Variants in FMO3 observed in about 807,000 individuals in gnomAD.
FMO3 encodes flavin-containing monooxygenase 3.
A neutral mutation model predicts 39.4 loss-of-function variants in FMO3; 40 were observed. The ratio of observed to expected loss-of-function variants is 1.02; its 90% CI spans 0.79 to 1.32. The LOEUF is 1.32. FMO3 is among the 40% of genes most tolerant of loss of function. The pLI, the probability that FMO3 is intolerant of heterozygous loss-of-function variation, is 0.00. For missense variants in FMO3, 680 were observed against 651.8 expected (o/e 1.04, Z -0.47); for synonymous variants, 219 against 228.8 (o/e 0.96, Z 0.39).
intron 2 of FMO3, among the ~76,000 whole-genome samples, chr1:171,095,061 G>A (rs1190920785): frequency 6.6e-6 from 1 of 152,122 alleles, no homozygotes; most frequent in African/African-American, 2.4e-5. Flanking sequence ...ATGAGCATGA[G>A]ATGTTTTACC....
At chr1:171,105,033 T>C (rs1655578799) in intron 3 of FMO3, among the ~76,000 whole-genome samples, 1 of 147,640 alleles carries the variant, frequency 6.8e-6, no homozygotes, top group Admixed American at 6.9e-5. Flanking sequence ...TGCCAAGTAA[T>C]ATTTTAAGTT....
chr1:171,100,600 T>C (rs1318878344), intron 2 of FMO3: 3 of 154,202 alleles, frequency 1.9e-5, no homozygotes, highest in African/African-American at 7.2e-5. Context: ...TTATACCTGA[T>C]TTAGATAATT....
intron 2 of FMO3, among the ~76,000 whole-genome samples, chr1:171,098,897 T>A (rs944837902): frequency 2.6e-5 from 4 of 152,338 alleles, no homozygotes; most frequent in South Asian, 4.1e-4. Flanking sequence ...CTCCAGTTTT[T>A]GCCCATTCAG....
chr1:171,116,382 C>A, intron 8 of FMO3, 102 bp downstream of exon 8: 2 of 681,306 alleles, frequency 2.9e-6, no homozygotes, highest in Non-Finnish European at 2.6e-6. Context: ...TGAATGACAT[C>A]ATTGGAATGA....
chr1:171,114,507 G>T, intron 7 of FMO3, 145 bp downstream of exon 7: 1 of 686,652 alleles, frequency 1.5e-6, no homozygotes, highest in Non-Finnish European at 2.6e-6. Flanking sequence ...GCTATATTTT[G>T]TTAGCAATTT....
intron 7 of FMO3, 43 bp from the exon 8 acceptor site, chr1:171,116,165 G>A (rs1656139794): frequency 8.2e-7 from 1 of 1,219,622 alleles, no homozygotes; most frequent in Admixed American, 1.7e-5. Flanking sequence ...CTGGTCCTAT[G>A]CCAGACTCAT....
At chr1:171,110,737 C>A (rs1169126224) in intron 5 of FMO3, 61 bp from the exon 6 acceptor site, 7 of 1,483,838 alleles carry the variant, frequency 4.7e-6, no homozygotes, top group Non-Finnish European at 6.6e-6. Context: ...ATCTGGGGTG[C>A]TCACCAGAAT....
intron 2 of FMO3, among the ~76,000 whole-genome samples, chr1:171,096,509 AT>A (rs1425223357): frequency 1.9e-5 from 2 of 103,590 alleles, no homozygotes; most frequent in African/African-American, 8.1e-5. Flanking sequence ...TACTTTATAT[AT>A]TAAATACATA....
Position 171,117,526 on chromosome 1 carries a change from C to A in FMO3, c.*84C>A. On this transcript the variant is annotated 3_prime_UTR_variant, in exon 9 of 9. Coordinates refer to ENST00000367755, the MANE Select transcript of FMO3 (RefSeq NM_001002294.3). ...TATTTAAAAATTAAAATTTTCACAC[C>A]ACCTGCTTTTCTATTCAGCATCTTT... 2 of 1,013,008 alleles carry A rather than the reference C, an allele frequency of 2.0e-6. No individual in the cohort carries two copies. Among genetic ancestry groups the A allele is most frequent in the Non-Finnish European group, 1.5e-6 (1 of 674,842 alleles). The allele number at this position is 1,013,008 out of a possible 1,614,324, so 62.8% of individuals were successfully genotyped here.
Position 171,092,788 on chromosome 1 carries a change from T to C in FMO3, c.130T>C (p.Ser44Pro), listed in dbSNP as rs1398176295. The C allele has an allele frequency of 1.2e-6, 2 of 1,613,892 alleles. No homozygotes were observed. Among genetic ancestry groups the C allele is most frequent in the Non-Finnish European group, 1.7e-6 (2 of 1,179,958 alleles). ...TGACATTGGGGGCCTGTGGAAATTT[T>C]CAGTGAGTAGCATGTTGTTGTAATA... ...SNDIGGLWKF[S>P]DHAEEGRASI... The change falls in exon 2 of 9, where the codon TCA becomes CCA. Residue 44 changes from serine (S) to proline (P), a missense_variant and splice_region_variant. Ser to Pro is a moderately conservative substitution (Grantham distance 74). Coordinates refer to ENST00000367755, the MANE Select transcript of FMO3 (RefSeq NM_001002294.3).
chr1:171,114,919 G>C (rs965428943), intron 7 of FMO3, among the ~76,000 whole-genome samples: 1 of 152,186 alleles, frequency 6.6e-6, no homozygotes, highest in Non-Finnish European at 1.5e-5. Flanking sequence ...GGCAGAAAGT[G>C]CTCAGTGTAG....
intron 7 of FMO3, among the ~76,000 whole-genome samples, chr1:171,115,104 T>C (rs1291700138): frequency 1.3e-5 from 2 of 152,108 alleles, no homozygotes; most frequent in African/African-American, 4.8e-5. Context: ...GGTAATGGCA[T>C]GAAATTTCAC....
chr1:171,093,827 CTTTTTTTT>C (rs1228257104), intron 2 of FMO3, among the ~76,000 whole-genome samples: 2 of 75,290 alleles, frequency 2.7e-5, no homozygotes, highest in East Asian at 5.1e-4. Context: ...TCACTAATAT[CTTTTTTTT>C]TTTTTTTTTT....
rs1655722206 is a variant in FMO3, at chr1:171,107,931, TTAAAA to T, written c.484+97_484+101del. 2.5e-5 allele frequency: 36 copies of T among 1,427,536 alleles called. No homozygotes were observed. In the South Asian group the frequency reaches 4.0e-4, roughly 16 times the overall value. The allele number at this position is 1,427,536 out of a possible 1,614,324, so 88.4% of individuals were successfully genotyped here. On this transcript the variant is annotated intron_variant, in intron 4 of 8. Coordinates refer to ENST00000367755, the MANE Select transcript of FMO3 (RefSeq NM_001002294.3). ...TTTCTAAAAGTATAAGCAGGTTAAA[TTAAAA>T]TATACTTCTGTTATATCTAATATGC...
chr1:171,108,668 A>C (rs540626364), intron 5 of FMO3, among the ~76,000 whole-genome samples: 1 of 152,290 alleles, frequency 6.6e-6, no homozygotes, highest in East Asian at 1.9e-4. Flanking sequence ...TCATTTATTC[A>C]TTCATTTATG....
intron 2 of FMO3, chr1:171,100,781 G>C (rs1004535194): frequency 8.0e-6 from 2 of 250,564 alleles, no homozygotes; most frequent in Non-Finnish European, 1.6e-5. Context: ...CCTGTAATAG[G>C]CTGAACAATT....
At position 171,108,109 on chromosome 1, in the gene FMO3, A is replaced by T. The variant is rs765930962; in HGVS notation, c.515A>T (p.His172Leu). The change falls in exon 5 of 9, where the codon CAC (histidine) becomes CTC (leucine). Residue 172 changes from histidine to leucine, a missense_variant. Physicochemically the swap from His to Leu is moderately conservative, Grantham distance 99. Coordinates refer to ENST00000367755, the MANE Select transcript of FMO3 (RefSeq NM_001002294.3). ...GLNHFKGKCF[H>L]SRDYKEPGVF... ...AACCACTTTAAAGGCAAATGCTTCC[A>T]CAGCAGGGACTATAAAGAACCAGGT... 3 of 1,613,930 alleles carry T rather than the reference A, an allele frequency of 1.9e-6. No homozygotes were observed. In the South Asian group the frequency reaches 3.3e-5, roughly 18 times the overall value.
chr1:171,098,088 A>T (rs1220595381), intron 2 of FMO3, among the ~76,000 whole-genome samples: 1 of 152,170 alleles, frequency 6.6e-6, no homozygotes, highest in African/African-American at 2.4e-5. Flanking sequence ...TTTGTCAAAG[A>T]TCAGATAGTT....
intron 7 of FMO3, among the ~76,000 whole-genome samples, chr1:171,115,284 A>G (rs1248365888): frequency 1.3e-5 from 2 of 152,188 alleles, no homozygotes; most frequent in Non-Finnish European, 2.9e-5. Context: ...GGGAAATGAG[A>G]CACAAGGCAA....
Sources: gnomAD v4.1 joint callset for allele counts (sites outside exome capture counted in the v4.1 genomes callset) on GRCh38, gnomAD v4.1.1 for gene constraint, MANE v1.5 for transcripts, NCBI Gene and HGNC (gene_info 2026-07-23, HGNC 2026-07-21) for gene names.